Variants in SLC26A3 observed in about 807,000 individuals in gnomAD.
SLC26A3 encodes solute carrier family 26 member 3.
A neutral mutation model predicts 85.6 loss-of-function variants in SLC26A3; 64 were observed. The ratio of observed to expected loss-of-function variants is 0.75; its 90% CI spans 0.61 to 0.92. The LOEUF (loss-of-function observed/expected upper bound fraction) is 0.92. Ranked by LOEUF, SLC26A3 falls within the 40% of genes least tolerant of loss-of-function variation. The pLI, the probability that SLC26A3 is intolerant of heterozygous loss-of-function variation, is 0.00. For synonymous variants in SLC26A3, 349 were observed against 336.0 expected, an observed-to-expected ratio of 1.04 and a Z score of -0.42; for missense variants, 922 against 927.3, an observed-to-expected ratio of 0.99 and a Z score of 0.07.
chr7:107,787,386 G>C lies in SLC26A3; in HGVS notation c.859C>G (p.Pro287Ala). The C allele has an allele frequency of 6.2e-7, 1 of 1,614,108 alleles. No homozygotes were observed. The highest frequency in any genetic ancestry group is 8.5e-7 in the Non-Finnish European group (1 of 1,179,998). ...ATGAATTCGATTGGAATGGGCACTG[G>C]AAGTTTGTCTTTGAAGCGCTGATTT... ...EINQRFKDKL[P>A]VPIPIEFIMT... Residue 287 changes from proline (P) to alanine (A), a missense_variant, in exon 7 of 21, where the codon CCA (proline) becomes GCA (alanine). Physicochemically the swap from Pro to Ala is conservative, Grantham distance 27 (BLOSUM62 -1). Coordinates refer to ENST00000340010, the MANE Select transcript of SLC26A3 (RefSeq NM_000111.3).
intron 8 of SLC26A3, among the ~76,000 whole-genome samples, chr7:107,785,757 C>A (rs971500346): frequency 7.2e-5 from 11 of 151,862 alleles, no homozygotes; most frequent in Non-Finnish European, 1.6e-4. Context: ...AATGTTTTTT[C>A]TTTAAAAAAA....
chr7:107,796,993 C>T (rs544354087), intron 1 of SLC26A3, among the ~76,000 whole-genome samples: 115 of 151,792 alleles, frequency 7.6e-4, no homozygotes, highest in Non-Finnish European at 1.3e-3. Context: ...TTTTTTTTGC[C>T]GATGACAGTG....
In SLC26A3 at chr7:107,782,703, A is replaced by G. The variant is rs192767171; in HGVS notation, c.1311+94T>C. On this transcript the variant is annotated intron_variant, in intron 11 of 20. Coordinates refer to ENST00000340010, the MANE Select transcript of SLC26A3 (RefSeq NM_000111.3). Reference sequence around the variant, plus strand: ...GTACTTGAGAGTTTGTCATTACCTCATTTCCCCTAGTTTAGTTTGTGCTTT... The same window carrying G: ...GTACTTGAGAGTTTGTCATTACCTCGTTTCCCCTAGTTTAGTTTGTGCTTT... 9.5e-4 allele frequency: 1,108 copies of G among 1,164,554 alleles called. 11 individuals are homozygous for G. The African/African-American group carries it at 0.015, about 16-fold the overall frequency. 72.1% of individuals were successfully genotyped at this position (1,164,554 alleles called of 1,614,324 possible).
intron 12 of SLC26A3, 78 bp from the exon 13 acceptor site, chr7:107,778,359 A>T (rs1794155876): frequency 1.1e-5 from 5 of 453,116 alleles, no homozygotes; most frequent in Admixed American, 4.0e-5. Context: ...TTTTAAAAAG[A>T]CTTTTTTTTT....
intron 1 of SLC26A3, among the ~76,000 whole-genome samples, chr7:107,795,473 G>A (rs1000814243): frequency 8.5e-5 from 13 of 152,186 alleles, no homozygotes; most frequent in African/African-American, 3.1e-4. Context: ...TACCAAGTTA[G>A]CCTTCACAAT....
intron 11 of SLC26A3, 142 bp downstream of exon 11, chr7:107,782,655 A>T: frequency 1.2e-6 from 1 of 845,366 alleles, no homozygotes; most frequent in Admixed American, 1.9e-5. Context: ...TTTTTGGCTC[A>T]TACAGAGTAT....
At chr7:107,772,506 C>T (rs1318742425) in intron 17 of SLC26A3, among the ~76,000 whole-genome samples, 1 of 152,106 alleles carries the variant, frequency 6.6e-6, no homozygotes, top group Admixed American at 6.6e-5. Flanking sequence ...TTATTTTTGT[C>T]CACAATGAAT....
Position 107,774,858 on chromosome 7 carries a change from T to C in SLC26A3, c.1692A>G (p.Pro564=). The C allele has an allele frequency of 6.2e-7, 1 of 1,614,102 alleles. No individual in the cohort carries two copies. Among genetic ancestry groups the C allele is most frequent in the Non-Finnish European group, 8.5e-7 (1 of 1,179,964 alleles). ...TGTTGCGCTTGCGTAGAATTCGAAG[T>C]GGACTAAAGCCAACCTGAGAAACCC... is the stretch of plus-strand genomic sequence containing the variant. ...RKLIDAVGFS[P]LRILRKRNKA... is the part of the protein sequence containing the mutation. Residue 564 remains proline, a synonymous_variant, in exon 16 of 21, where the codon CCA becomes CCG. Transcript: ENST00000340010.
chr7:107,789,719 T>C (rs1281325447), intron 5 of SLC26A3, 31 bp from the exon 6 acceptor site: 4 of 1,602,994 alleles, frequency 2.5e-6, no homozygotes, highest in African/African-American at 1.3e-5. Flanking sequence ...TTTGTCAGCA[T>C]AGATTAGGAG....
At chr7:107,790,356 C>T (rs918871943) in intron 5 of SLC26A3, among the ~76,000 whole-genome samples, 1 of 152,170 alleles carries the variant, frequency 6.6e-6, no homozygotes, top group African/African-American at 2.4e-5. Context: ...CATTTCTATA[C>T]TAAGTTCAGA....
intron 20 of SLC26A3, among the ~76,000 whole-genome samples, chr7:107,766,165 T>C (rs559245230): frequency 6.6e-6 from 1 of 152,332 alleles, no homozygotes; most frequent in East Asian, 1.9e-4. Flanking sequence ...TATTCAGCTG[T>C]TACCCCAGTC....
chr7:107,786,613 G>GAA lies in SLC26A3; in HGVS notation c.971+212_971+213dup, dbSNP rs200098446. On this transcript the variant is annotated intron_variant, in intron 8 of 20. Coordinates refer to ENST00000340010, the MANE Select transcript of SLC26A3 (RefSeq NM_000111.3). ...AGAACTGCATTCACTGTGGGGAGGC[G>GAA]AAAAAAAAAAAAAAAGAACTGCACA... Among the ~76,000 whole-genome samples, 1,647 of 132,428 alleles carry GAA rather than the reference G, an allele frequency of 0.012. 72 individuals are homozygous for GAA. The highest frequency in any genetic ancestry group is 0.091 in the East Asian group (434 of 4,744). The allele number at this position is 132,428 out of a possible 152,430, so 86.9% of individuals were successfully genotyped here. A position where few individuals can be genotyped will look rare whatever the true frequency, so the allele number is the denominator to read the frequency against.
chr7:107,767,517 A>G, intron 20 of SLC26A3, 62 bp downstream of exon 20: 3 of 1,267,796 alleles, frequency 2.4e-6, no homozygotes, highest in Admixed American at 1.7e-5. Flanking sequence ...TGGCCTCACT[A>G]CTTTGAAGGT....
Position 107,786,853 on chromosome 7 carries a change from C to G in SLC26A3, c.945G>C (p.Val315=). The G allele has an allele frequency of 1.2e-6, 2 of 1,614,064 alleles. No individual in the cohort carries two copies. The highest frequency in any genetic ancestry group is 1.7e-6 in the Non-Finnish European group (2 of 1,179,964). The change falls in exon 8 of 21, where the codon GTG becomes GTC. Residue 315 remains valine, a synonymous_variant. Coordinates refer to ENST00000340010, the MANE Select transcript of SLC26A3 (RefSeq NM_000111.3). ...YGCDFKNRFK[V]AVVGDMNPGF... ...CAGGATTCATGTCCCCAACCACAGC[C>G]ACTTTAAACCTGTTTTTAAAGTCAC...
At position 107,789,604 on chromosome 7, in the gene SLC26A3, C is replaced by T. The variant is rs138427715; in HGVS notation, c.655G>A (p.Val219Ile). Reference protein sequence around the residue: ...LISGFTTAAAVHVLVSQLKFI... With the variant: ...LISGFTTAAAIHVLVSQLKFI... ...TTGAGTTGGGAAACCAAAACATGAA[C>T]AGCAGCAGCAGTAGTGAAGCCACTG... Residue 219 changes from valine (V) to isoleucine (I), a missense_variant, in exon 6 of 21, where the codon GTT (valine) becomes ATT (isoleucine). Transcript: ENST00000340010. The T allele has an allele frequency of 1.2e-6, 2 of 1,613,188 alleles. No homozygotes were observed. The highest frequency in any genetic ancestry group is 2.2e-5 in the South Asian group (2 of 91,058).
At position 107,776,131 on chromosome 7, in the gene SLC26A3, G is replaced by T. The variant is rs545683820; in HGVS notation, c.1677+321C>A. ...CTCCTTCATTGTTTCTGAAGTTGAT[G>T]CCCAAAGAAAATCTGTAGGATGACA... On this transcript the variant is annotated intron_variant, in intron 15 of 20. Coordinates refer to ENST00000340010, the MANE Select transcript of SLC26A3 (RefSeq NM_000111.3). 8.3e-5 allele frequency: 32 copies of T among 387,598 alleles called. No individual in the cohort carries two copies. The East Asian group carries it at 1.1e-3, about 14-fold the overall frequency. 24.0% of individuals were successfully genotyped at this position (387,598 alleles called of 1,614,324 possible).
At chr7:107,781,542 T>C (rs976989509) in intron 11 of SLC26A3, among the ~76,000 whole-genome samples, 4 of 152,186 alleles carry the variant, frequency 2.6e-5, no homozygotes, top group African/African-American at 7.2e-5. Context: ...GTTCTCTCTG[T>C]AGGGGTGAGT....
rs750771695 is a variant in SLC26A3 at position 107,791,822 on chromosome 7, T to A, written c.382+8A>T. The A allele has an allele frequency of 6.4e-7, 1 of 1,561,972 alleles. No individual in the cohort carries two copies. Among genetic ancestry groups the A allele is most frequent in the Middle Eastern group, 1.7e-4 (1 of 5,972 alleles). ...TGTGAGCATTAATCAGCTCAGTAAC[T>A]GACTTACCCACGGATATGTGTCTGG... On this transcript the variant is annotated splice_region_variant and intron_variant, in intron 4 of 20. Transcript: ENST00000340010.
chr7:107,778,618 G>A (rs1211053753), intron 12 of SLC26A3, among the ~76,000 whole-genome samples: 3 of 152,060 alleles, frequency 2.0e-5, no homozygotes, highest in Admixed American at 6.5e-5. Context: ...GGAATTATCT[G>A]TCACAGTGAT....
Sources: allele counts gnomAD v4.1 joint callset (sites outside exome capture counted in the v4.1 genomes callset), GRCh38; gene constraint gnomAD v4.1.1; transcripts MANE v1.5; gene names NCBI Gene and HGNC (gene_info 2026-07-23, HGNC 2026-07-21).